AP3B2: variants seen among roughly 807,000 people sequenced by gnomAD.
AP3B2 encodes the protein adaptor related protein complex 3 subunit beta 2.
AP3B2 carries 50 observed loss-of-function variants against 126.9 expected under a neutral mutation model. The observed-to-expected ratio is 0.39, with a 90% confidence interval of 0.31 to 0.50. The LOEUF (loss-of-function observed/expected upper bound fraction) is 0.50. Among genes scored for constraint, AP3B2 ranks in the 20% least tolerant of loss-of-function variants. AP3B2 has a pLI of 0.79. For synonymous variants in AP3B2, 541 were observed against 565.0 expected (o/e 0.96, Z 0.60); for missense variants, 1,177 against 1,426.4 (o/e 0.83, Z 2.82).
Position 82,665,521 on chromosome 15 carries a change from G to A in AP3B2, c.1907C>T (p.Thr636Ile). ...CCAGTCTGGGAGCTCCTGGTAGCCT[G>A]TGGCCTTGGCATTAAGCAGGTGGGA... ...SLSHLLNAKA[T>I]GYQELPDWPE... Residue 636 changes from threonine (T) to isoleucine (I), a missense_variant, in exon 16 of 27, where the codon ACA becomes ATA. Physicochemically the swap from Thr to Ile is moderately conservative, Grantham distance 89. Coordinates refer to ENST00000535359, the MANE Select transcript of AP3B2 (RefSeq NM_001278512.2). The surrounding 1 kb of genome is among the most constrained non-coding windows in gnomAD (Gnocchi z 4.4). 1.9e-6 allele frequency: 3 copies of A among 1,613,962 alleles called. No homozygotes were observed. Among genetic ancestry groups the A allele is most frequent in the Non-Finnish European group, 2.5e-6 (3 of 1,179,886 alleles).
chr15:82,660,052 A>T, intron 25 of AP3B2, 69 bp from the exon 26 acceptor site: 2 of 1,548,562 alleles, frequency 1.3e-6, no homozygotes, highest in Admixed American at 1.8e-5. Flanking sequence ...GGGTCTGCTT[A>T]CTGAGCAACA....
intron 1 of AP3B2, among the ~76,000 whole-genome samples, chr15:82,709,288 C>T (rs1408662344): frequency 6.6e-6 from 1 of 152,186 alleles, no homozygotes; most frequent in African/African-American, 2.4e-5. Context: ...GAACCCCTAA[C>T]GCAACGCCGC....
chr15:82,688,930 A>T (rs951577942), intron 3 of AP3B2, 99 bp from the exon 4 acceptor site: 4 of 1,213,446 alleles, frequency 3.3e-6, no homozygotes, highest in Non-Finnish European at 4.7e-6. Context: ...GCTGCGGTCC[A>T]TGGGGACAAA....
chr15:82,681,870 T>G lies in AP3B2; in HGVS notation c.361-290A>C, dbSNP rs1219615801. On this transcript the variant is annotated intron_variant, in intron 4 of 26. Transcript: ENST00000535359. This position sits in a 1 kb window ranked among gnomAD's most constrained non-coding sequence, Gnocchi z 4.0. ...TTGCTGAAACACCTGAAACACTTCC[T>G]GTTCCTTGTAAGGGTTTTTTTGGAG... Among the ~76,000 whole-genome samples the G allele has an allele frequency of 1.3e-5, 2 of 152,168 alleles. No individual in the cohort carries two copies. The highest frequency in any genetic ancestry group is 2.9e-5 in the Non-Finnish European group (2 of 68,032).
chr15:82,678,818 T>G (rs1468577351), intron 10 of AP3B2, among the ~76,000 whole-genome samples: 1 of 152,256 alleles, frequency 6.6e-6, no homozygotes, highest in Non-Finnish European at 1.5e-5. Flanking sequence ...TCCCCACATC[T>G]GTAAGCTCCA....
In AP3B2 at chr15:82,681,885, T is replaced by G. The variant is rs2048345188; in HGVS notation, c.361-305A>C. Among the ~76,000 whole-genome samples the G allele has an allele frequency of 6.6e-6, 1 of 151,842 alleles. No homozygotes were observed. Among genetic ancestry groups the G allele is most frequent in the African/African-American group, 2.4e-5 (1 of 41,308 alleles). Reference sequence around the variant, plus strand: ...AAACACTTCCTGTTCCTTGTAAGGGTTTTTTTGGAGGTGCCTGTTTTAATG... The same window carrying G: ...AAACACTTCCTGTTCCTTGTAAGGGGTTTTTTGGAGGTGCCTGTTTTAATG... On this transcript the variant is annotated intron_variant, in intron 4 of 26. Coordinates refer to ENST00000535359, the MANE Select transcript of AP3B2 (RefSeq NM_001278512.2). The surrounding 1 kb of genome is among the most constrained non-coding windows in gnomAD (Gnocchi z 4.0).
intron 1 of AP3B2, chr15:82,699,847 GC>G: frequency 7.5e-6 from 3 of 399,772 alleles, no homozygotes; most frequent in Non-Finnish European, 1.3e-5. Flanking sequence ...CCTCACCACG[GC>G]CCCCGGGAGC....
intron 21 of AP3B2, 40 bp downstream of exon 21, chr15:82,663,520 A>G (rs1437917440): frequency 1.2e-6 from 2 of 1,601,910 alleles, no homozygotes; most frequent in African/African-American, 1.3e-5. Context: ...CATGCTCCCC[A>G]GGCCTCCTTT....
At chr15:82,696,288 G>A (rs895605354) in intron 1 of AP3B2, among the ~76,000 whole-genome samples, 7 of 152,000 alleles carry the variant, frequency 4.6e-5, no homozygotes, top group Non-Finnish European at 7.4e-5. Flanking sequence ...TTTAATATTC[G>A]AAATAGAGGC....
chr15:82,665,614 G>A lies in AP3B2; in HGVS notation c.1853-39C>T, dbSNP rs202216980. ...TAGAGGTCAGGCAGGTAGCAGCAGT[G>A]AGGGAAAGCTCTGGGAGCTGTTTTC... On this transcript the variant is annotated intron_variant, in intron 15 of 26. Transcript: ENST00000535359. This position sits in a 1 kb window ranked among gnomAD's most constrained non-coding sequence, Gnocchi z 4.4. 1.9e-4 allele frequency: 288 copies of A among 1,518,650 alleles called. 1 individual carries two copies. In the African/African-American group the frequency reaches 3.7e-3, roughly 20 times the overall value. The allele number at this position is 1,518,650 out of a possible 1,614,324, so 94.1% of individuals were successfully genotyped here. A position where few individuals can be genotyped will look rare whatever the true frequency, so the allele number is the denominator to read the frequency against.
chr15:82,667,834 G>C (rs1285120629), intron 14 of AP3B2, among the ~76,000 whole-genome samples: 8 of 152,168 alleles, frequency 5.3e-5, no homozygotes, highest in Non-Finnish European at 1.2e-4. Context: ...GCCTGCATCT[G>C]CTGGAGCTGC....
chr15:82,691,998 T>C (rs1008879917), intron 1 of AP3B2: 3 of 1,457,738 alleles, frequency 2.1e-6, no homozygotes, highest in African/African-American at 1.4e-5. Flanking sequence ...ACTTCTCGCA[T>C]GTGATCCTTC....
At chr15:82,696,488 G>C (rs902922198) in intron 1 of AP3B2, among the ~76,000 whole-genome samples, 2 of 152,206 alleles carry the variant, frequency 1.3e-5, no homozygotes, top group Non-Finnish European at 2.9e-5. Flanking sequence ...TGAGGAACGA[G>C]AATCGCTTGA....
In AP3B2 at chr15:82,681,055, AG is replaced by A. The variant is rs2151441313; in HGVS notation, c.589-37del. 1 of 1,613,534 alleles carries A rather than the reference AG, an allele frequency of 6.2e-7. No individual in the cohort carries two copies. Among genetic ancestry groups the A allele is most frequent in the Non-Finnish European group, 8.5e-7 (1 of 1,179,846 alleles). ...AACAAAGACGAGAGGGTGAACGCGA[AG>A]GGTGGAAGGCCGGCTGCCGGTCACC... On this transcript the variant is annotated intron_variant, in intron 6 of 26. Transcript: ENST00000535359. The surrounding 1 kb of genome is among the most constrained non-coding windows in gnomAD (Gnocchi z 4.0).
chr15:82,659,977 A>C lies in AP3B2; in HGVS notation c.3023T>G (p.Leu1008Arg). The change falls in exon 26 of 27, where the codon CTG becomes CGG. Residue 1008 changes from leucine to arginine, a missense_variant. Leu to Arg is a moderately radical substitution (Grantham distance 102). Around this residue, in one of 5 missense-constraint regions of AP3B2, gnomAD observed 587 missense variants for 571.3 expected, o/e 1.03. Coordinates refer to ENST00000535359, the MANE Select transcript of AP3B2 (RefSeq NM_001278512.2). ...ENEFKKEQGK[L>R]MGMNEITEKL... ...CTCTGTGATCTCATTCATGCCCATC[A>C]GCTTTCCTGGGGGTAGAGGTCGTGA... is the stretch of plus-strand genomic sequence containing the variant. 6.2e-7 allele frequency: 1 copy of C among 1,613,844 alleles called. No homozygotes were observed. The highest frequency in any genetic ancestry group is 1.3e-5 in the African/African-American group (1 of 75,046).
At chr15:82,666,992 GAA>G in intron 14 of AP3B2, 59 bp from the exon 15 acceptor site, 1 of 1,530,130 alleles carries the variant, frequency 6.5e-7, no homozygotes, top group East Asian at 2.3e-5. Flanking sequence ...AGGAGGCTCA[GAA>G]ACAGATTCTT....
In AP3B2 at chr15:82,664,242, G is replaced by A; in HGVS notation, c.2261+125C>T. 6 of 1,474,008 alleles carry A rather than the reference G, an allele frequency of 4.1e-6. No individual in the cohort carries two copies. The highest frequency in any genetic ancestry group is 5.5e-6 in the Non-Finnish European group (6 of 1,087,718). 91.3% of individuals were successfully genotyped at this position (1,474,008 alleles called of 1,614,324 possible). On this transcript the variant is annotated intron_variant, in intron 19 of 26. Transcript: ENST00000535359. This position sits in a 1 kb window ranked among gnomAD's most constrained non-coding sequence, Gnocchi z 4.5. ...AGCGAAAGTAGGCGTCATGTGAGCT[G>A]ACAGCCCCACCCAGCTCACGAGGGG... is the stretch of plus-strand genomic sequence containing the variant.
chr15:82,670,022 A>C (rs1175388152), intron 14 of AP3B2, among the ~76,000 whole-genome samples: 1 of 143,840 alleles, frequency 7.0e-6, no homozygotes, highest in Non-Finnish European at 1.5e-5. Flanking sequence ...AAAAAAAAAA[A>C]AACCCATTGC....
chr15:82,678,214 G>A, intron 10 of AP3B2, 47 bp from the exon 11 acceptor site: 1 of 1,557,802 alleles, frequency 6.4e-7, no homozygotes, highest in Non-Finnish European at 8.8e-7. Flanking sequence ...TTGGCCAGTG[G>A]ACTTTCTGTG....
Sources: allele counts gnomAD v4.1 joint callset (sites outside exome capture counted in the v4.1 genomes callset), GRCh38; gene constraint gnomAD v4.1.1; regional missense constraint gnomAD v4.1.1; non-coding constraint Gnocchi (gnomAD v3.1); transcripts MANE v1.5; gene names NCBI Gene and HGNC (gene_info 2026-07-23, HGNC 2026-07-21).